Variants in INTS3 observed in about 807,000 individuals in gnomAD.
The protein encoded by INTS3 is integrator complex subunit 3.
In INTS3, 34 loss-of-function variants were observed where a neutral mutation model predicts 146.3. The observed-to-expected ratio is 0.23, with a 90% CI of 0.18 to 0.31. The LOEUF is 0.31. Among genes scored for constraint, INTS3 ranks in the 10% least tolerant of loss-of-function variants. The pLI is 1.00. For missense variants in INTS3, 757 were observed against 1,304.2 expected (o/e 0.58, Z 6.46); for synonymous variants, 475 against 494.9 (o/e 0.96, Z 0.53).
chr1:153,738,792 T>C (rs11264342), intron 1 of INTS3, among the ~76,000 whole-genome samples: 63,113 of 152,100 alleles, frequency 0.41, 13,905 homozygotes, highest in East Asian at 0.67. Context: ...GTTGGCATTG[T>C]ACTGTAAGGA....
intron 3 of INTS3, chr1:153,746,754 C>G (rs1440462177): frequency 3.6e-6 from 2 of 549,082 alleles, no homozygotes; most frequent in Non-Finnish European, 6.5e-6. Context: ...TTTCCCCACT[C>G]TGTGTGACAG....
intron 14 of INTS3, among the ~76,000 whole-genome samples, chr1:153,762,284 A>T (rs1455616621): frequency 1.3e-5 from 2 of 152,206 alleles, no homozygotes; most frequent in African/African-American, 4.8e-5. Flanking sequence ...CTCCGTCTCT[A>T]CTAAAATACA....
intron 3 of INTS3, among the ~76,000 whole-genome samples, chr1:153,745,913 G>C (rs1671716544): frequency 6.6e-6 from 1 of 152,122 alleles, no homozygotes. Flanking sequence ...TCAGCCTAGG[G>C]AACATAGTGA....
chr1:153,734,458 T>C (rs1671212471), intron 1 of INTS3, among the ~76,000 whole-genome samples: 3 of 152,218 alleles, frequency 2.0e-5, no homozygotes, highest in South Asian at 4.1e-4. Context: ...TCTCATTTTT[T>C]CCTCATTGCA....
Position 153,763,112 on chromosome 1 carries a change from C to T in INTS3, c.1637-121C>T, listed in dbSNP as rs1672445140. The T allele has an allele frequency of 6.9e-6, 9 of 1,297,230 alleles. 1 individual carries two copies. The East Asian group carries it at 1.8e-4, about 27-fold the overall frequency. 80.4% of individuals were successfully genotyped at this position (1,297,230 alleles called of 1,614,324 possible). The stretch of plus-strand genomic sequence containing the variant: ...CAGGGAGATGCTTCAGGCACTCACA[C>T]AGCATTGAGGAAACAGGTGCACACT... On this transcript the variant is annotated intron_variant, in intron 15 of 29. Coordinates refer to ENST00000318967, the MANE Select transcript of INTS3 (RefSeq NM_023015.5).
At chr1:153,746,835 C>G (rs756048018) in intron 3 of INTS3, 122 bp from the exon 4 acceptor site, 8 of 635,364 alleles carry the variant, frequency 1.3e-5, no homozygotes, top group Admixed American at 1.1e-4. Context: ...TATTTCATTG[C>G]TACTCGGTGT....
In INTS3 at chr1:153,728,333, G is replaced by A. The variant is rs1047359027; in HGVS notation, c.-302G>A. 2.5e-6 allele frequency: 1 copy of A among 403,526 alleles called. No homozygotes were observed. The highest frequency in any genetic ancestry group is 4.4e-6 in the Non-Finnish European group (1 of 228,880). The allele number at this position is 403,526 out of a possible 1,614,324, so 25.0% of individuals were successfully genotyped here. On this transcript the variant is annotated 5_prime_UTR_variant, in exon 1 of 30. Transcript: ENST00000318967. ...ACGCTCTTAGGGTCCACTTCTTCAG[G>A]GGCGGAAGCCTCTCCTACCCTTCCC... is the stretch of plus-strand genomic sequence containing the variant.
intron 1 of INTS3, among the ~76,000 whole-genome samples, chr1:153,732,688 T>C (rs1671122357): frequency 6.6e-6 from 1 of 152,122 alleles, no homozygotes; most frequent in Non-Finnish European, 1.5e-5. Context: ...ACTCAGGTGA[T>C]CCACCTGCCT....
intron 16 of INTS3, 119 bp downstream of exon 16, chr1:153,763,481 G>A: frequency 9.1e-7 from 1 of 1,102,506 alleles, no homozygotes; most frequent in Non-Finnish European, 1.3e-6. Flanking sequence ...TGTGTGGAGA[G>A]GTAGCTGAAG....
intron 6 of INTS3, 124 bp downstream of exon 6, chr1:153,748,879 A>C (rs1671852329): frequency 1.3e-6 from 1 of 780,560 alleles, no homozygotes; most frequent in South Asian, 1.4e-5. Context: ...GGGGGAGGCA[A>C]GGAGAGGGAG....
chr1:153,760,514 T>G, intron 12 of INTS3, 124 bp downstream of exon 12: 1 of 758,756 alleles, frequency 1.3e-6, no homozygotes, highest in Non-Finnish European at 2.2e-6. Context: ...TGGTCATGGG[T>G]CCTATCCCCC....
chr1:153,767,550 G>A, intron 20 of INTS3, 124 bp from the exon 21 acceptor site: 1 of 944,386 alleles, frequency 1.1e-6, no homozygotes, highest in Non-Finnish European at 1.5e-6. Flanking sequence ...GGAGGGACAT[G>A]AGGCAGATTA....
chr1:153,748,797 GC>G lies in INTS3; in HGVS notation c.584+44del, dbSNP rs5777881. ...AGGGTGGGGTACAGGCCAGATAATG[GC>G]CATTAGGAGTGTGGGTGTGGGAAAT... On this transcript the variant is annotated intron_variant, in intron 6 of 29. Coordinates refer to ENST00000318967, the MANE Select transcript of INTS3 (RefSeq NM_023015.5). The G allele has an allele frequency of 3.9e-5, 57 of 1,475,642 alleles. No individual in the cohort carries two copies. The East Asian group carries it at 1.3e-3, about 33-fold the overall frequency. The allele number at this position is 1,475,642 out of a possible 1,614,324, so 91.4% of individuals were successfully genotyped here.
chr1:153,758,408 G>C (rs1277129085), intron 10 of INTS3, among the ~76,000 whole-genome samples: 1 of 152,226 alleles, frequency 6.6e-6, no homozygotes, highest in African/African-American at 2.4e-5. Flanking sequence ...GGGCAGCCAA[G>C]GGGTGCTAGT....
chr1:153,732,034 A>G (rs903011152), intron 1 of INTS3, among the ~76,000 whole-genome samples: 1 of 148,880 alleles, frequency 6.7e-6, no homozygotes, highest in Non-Finnish European at 1.5e-5. Context: ...CAGCCTCCAG[A>G]GTAGCTGGGA....
intron 3 of INTS3, 51 bp from the exon 4 acceptor site, chr1:153,746,906 G>A (rs1359282301): frequency 3.3e-6 from 4 of 1,206,362 alleles, no homozygotes; most frequent in Non-Finnish European, 3.7e-6. Flanking sequence ...TGGGTGGGGT[G>A]AGGACCTTAT....
Position 153,751,080 on chromosome 1 carries a change from G to A in INTS3, c.585-15G>A. ...CTAGACAGAGCATAGGAGCCAGTGTGTTTCCTCCCTGCAGGGAGTGGGTCC... is the reference window on the plus strand; with the variant it reads ...CTAGACAGAGCATAGGAGCCAGTGTATTTCCTCCCTGCAGGGAGTGGGTCC... On this transcript the variant is annotated splice_polypyrimidine_tract_variant and intron_variant, in intron 6 of 29. Coordinates refer to ENST00000318967, the MANE Select transcript of INTS3 (RefSeq NM_023015.5). 6.2e-7 allele frequency: 1 copy of A among 1,613,886 alleles called. No homozygotes were observed. The highest frequency in any genetic ancestry group is 8.5e-7 in the Non-Finnish European group (1 of 1,179,786).
At chr1:153,742,416 A>T (rs566427993) in intron 3 of INTS3, among the ~76,000 whole-genome samples, 1 of 152,060 alleles carries the variant, frequency 6.6e-6, no homozygotes, top group East Asian at 1.9e-4. Flanking sequence ...ATTGTTGGCA[A>T]AGATGAGAGT....
At chr1:153,761,510 CAA>C in intron 13 of INTS3, 58 bp from the exon 14 acceptor site, 1 of 1,233,166 alleles carries the variant, frequency 8.1e-7, no homozygotes, top group Non-Finnish European at 1.2e-6. Flanking sequence ...CACTCTGTCT[CAA>C]AAAAAAATAA....
Sources: gnomAD v4.1 joint callset for allele counts (sites outside exome capture counted in the v4.1 genomes callset) on GRCh38, gnomAD v4.1.1 for gene constraint, MANE v1.5 for transcripts, NCBI Gene and HGNC (gene_info 2026-07-23, HGNC 2026-07-21) for gene names.